ZNRF3: variants seen among roughly 807,000 people sequenced by gnomAD.
The protein encoded by ZNRF3 is E3 ubiquitin-protein ligase ZNRF3.
Under a neutral mutation model 72.5 loss-of-function variants are expected in ZNRF3, and 23 were observed. The observed-to-expected ratio is 0.32, with a 90% CI of 0.23 to 0.45. The LOEUF (loss-of-function observed/expected upper bound fraction) is 0.45, where lower values mean the gene tolerates loss of function less well. Ranked by LOEUF, ZNRF3 falls within the 20% of genes least tolerant of loss-of-function variation. ZNRF3 has a pLI of 1.00. For missense variants in ZNRF3, 1,169 were observed against 1,272.1 expected (o/e 0.92, Z 1.23); for synonymous variants, 610 against 545.3 (o/e 1.12, Z -1.65).
intron 1 of ZNRF3, among the ~76,000 whole-genome samples, chr22:28,978,882 C>T (rs1251113865): frequency 6.6e-6 from 1 of 152,184 alleles, no homozygotes; most frequent in Non-Finnish European, 1.5e-5. Context: ...TCTTCTCATT[C>T]CTGCATTCTT....
At chr22:29,011,004 AT>A (rs2036338058) in intron 2 of ZNRF3, among the ~76,000 whole-genome samples, 2 of 151,730 alleles carry the variant, frequency 1.3e-5, no homozygotes, top group Middle Eastern at 3.4e-3. Flanking sequence ...CACTTTATCC[AT>A]TTTTTCTTTC....
At chr22:29,034,611 T>G (rs778001333) in intron 2 of ZNRF3, among the ~76,000 whole-genome samples, 1 of 152,208 alleles carries the variant, frequency 6.6e-6, no homozygotes, top group Non-Finnish European at 1.5e-5. Flanking sequence ...AGCTCTGGAA[T>G]GTGCAGCATT....
chr22:28,968,050 A>G (rs1432638134), intron 1 of ZNRF3, among the ~76,000 whole-genome samples: 1 of 152,124 alleles, frequency 6.6e-6, no homozygotes, highest in African/African-American at 2.4e-5. Context: ...ATCTTTCTGA[A>G]TAGGGTTGGT....
chr22:28,999,862 T>G (rs889665374), intron 2 of ZNRF3, among the ~76,000 whole-genome samples: 1 of 152,156 alleles, frequency 6.6e-6, no homozygotes, highest in African/African-American at 2.4e-5. Flanking sequence ...AAATTCTCAC[T>G]GAATGTAGAG....
chr22:28,892,246 A>C (rs2033901628), intron 1 of ZNRF3, among the ~76,000 whole-genome samples: 1 of 152,214 alleles, frequency 6.6e-6, no homozygotes, highest in African/African-American at 2.4e-5. Flanking sequence ...TGAACACAAG[A>C]GTAAGACTTG....
At chr22:29,031,618 G>A in intron 2 of ZNRF3, 1 of 985,372 alleles carries the variant, frequency 1.0e-6, no homozygotes, top group Non-Finnish European at 1.2e-6. Context: ...GAGGAGGAAA[G>A]GAAAAAGTGA....
chr22:29,037,862 G>A (rs910502614), intron 2 of ZNRF3, among the ~76,000 whole-genome samples: 1 of 152,176 alleles, frequency 6.6e-6, no homozygotes, highest in East Asian at 1.9e-4. Flanking sequence ...GGGATGAGGG[G>A]AAGGGCACAT....
At chr22:28,911,623 C>A (rs2034319260) in intron 1 of ZNRF3, among the ~76,000 whole-genome samples, 1 of 152,246 alleles carries the variant, frequency 6.6e-6, no homozygotes, top group Non-Finnish European at 1.5e-5. Flanking sequence ...CTTGACCATT[C>A]ATGACACCTT....
chr22:28,918,537 C>CAT (rs1451651910), intron 1 of ZNRF3, among the ~76,000 whole-genome samples: 81 of 148,860 alleles, frequency 5.4e-4, no homozygotes, highest in African/African-American at 9.7e-4. Flanking sequence ...TGCATGTGTG[C>CAT]GTGTGTGTGT....
chr22:28,884,727 C>A (rs571202766), intron 1 of ZNRF3, among the ~76,000 whole-genome samples: 1 of 152,302 alleles, frequency 6.6e-6, no homozygotes, highest in South Asian at 2.1e-4. Context: ...ACCGCCTGCC[C>A]GTCCCTCGGC....
At chr22:28,952,278 T>C (rs1174016203) in intron 1 of ZNRF3, among the ~76,000 whole-genome samples, 2 of 152,372 alleles carry the variant, frequency 1.3e-5, no homozygotes, top group Non-Finnish European at 1.5e-5. Flanking sequence ...CTAAGTCCCA[T>C]GTCCCCCAGG....
chr22:28,979,019 G>C (rs749020472), intron 1 of ZNRF3, among the ~76,000 whole-genome samples: 1 of 151,992 alleles, frequency 6.6e-6, no homozygotes, highest in Non-Finnish European at 1.5e-5. Context: ...TTAGTTTGCT[G>C]TAACTATCAC....
intron 2 of ZNRF3, among the ~76,000 whole-genome samples, chr22:28,998,192 G>A (rs376828621): frequency 1.9e-4 from 29 of 151,926 alleles, no homozygotes; most frequent in Admixed American, 1.0e-3. Flanking sequence ...CCAGCTACTC[G>A]GGAGGCTGAG....
chr22:28,901,507 G>A (rs1203385004), intron 1 of ZNRF3, among the ~76,000 whole-genome samples: 1 of 152,182 alleles, frequency 6.6e-6, no homozygotes, highest in Non-Finnish European at 1.5e-5. Flanking sequence ...TCAAGGGGGT[G>A]TGTAAGTAGT....
chr22:29,044,649 A>G (rs1355288370), intron 4 of ZNRF3, 131 bp from the exon 5 acceptor site: 2 of 681,190 alleles, frequency 2.9e-6, no homozygotes, highest in Non-Finnish European at 5.4e-6. Context: ...GAACCCCAGG[A>G]GTTTCCTGCA....
chr22:28,895,560 G>A (rs1037789922), intron 1 of ZNRF3, among the ~76,000 whole-genome samples: 2 of 152,054 alleles, frequency 1.3e-5, no homozygotes, highest in African/African-American at 4.8e-5. Flanking sequence ...CCAGCTACTC[G>A]GGAGGCTGAG....
chr22:28,983,929 G>A (rs1458389397), intron 1 of ZNRF3, among the ~76,000 whole-genome samples: 1 of 151,880 alleles, frequency 6.6e-6, no homozygotes, highest in Non-Finnish European at 1.5e-5. Context: ...ACTTGTGCAA[G>A]AACCTGTTTT....
At chr22:29,039,589 C>A (rs181921805) in intron 2 of ZNRF3, among the ~76,000 whole-genome samples, 1 of 132,452 alleles carries the variant, frequency 7.5e-6, no homozygotes, top group Non-Finnish European at 1.5e-5. Context: ...CATCTACTTA[C>A]AATTATATTA....
chr22:29,007,225 G>A (rs1007596638), intron 2 of ZNRF3, among the ~76,000 whole-genome samples: 2 of 152,140 alleles, frequency 1.3e-5, no homozygotes, highest in African/African-American at 2.4e-5. Context: ...ACCTACCAGT[G>A]GTTTTGGGAT....
Sources: allele counts gnomAD v4.1 joint callset (sites outside exome capture counted in the v4.1 genomes callset), GRCh38; gene constraint gnomAD v4.1.1; transcripts MANE v1.5; gene names NCBI Gene and HGNC (gene_info 2026-07-23, HGNC 2026-07-21).